Variants in TMEM63C observed in about 807,000 individuals in gnomAD.
The protein encoded by TMEM63C is osmosensitive cation channel TMEM63C.
TMEM63C carries 32 observed loss-of-function variants against 99.2 expected under a neutral mutation model. The ratio of observed to expected loss-of-function variants is 0.32; its 90% confidence interval spans 0.24 to 0.43. TMEM63C has a LOEUF of 0.43. TMEM63C is among the 20% of genes least tolerant of loss of function. The probability of loss-of-function intolerance (pLI) is 1.00; values close to 1 mark genes in which losing one functional copy is unlikely to be tolerated. For missense variants in TMEM63C, 826 were observed against 1,053.0 expected (o/e 0.78, Z 2.98); for synonymous variants, 376 against 397.9 (o/e 0.94, Z 0.66).
intron 12 of TMEM63C, 81 bp downstream of exon 12, chr14:77,239,807 G>A (rs1034236614): frequency 1.3e-6 from 2 of 1,539,498 alleles, no homozygotes; most frequent in Non-Finnish European, 1.8e-6. Context: ...TGCCCGCACT[G>A]TTGGGCCCCA....
chr14:77,219,758 A>G (rs959737463), intron 4 of TMEM63C, among the ~76,000 whole-genome samples, 181 bp downstream of exon 4: 51 of 152,162 alleles, frequency 3.4e-4, no homozygotes, highest in Non-Finnish European at 5.9e-5. Context: ...CCTGGGCACA[A>G]GGCCGTGTTT....
At position 77,236,627 on chromosome 14, in the gene TMEM63C, C is replaced by T; in HGVS notation, c.546C>T (p.Ser182=). The T allele has an allele frequency of 1.2e-6, 2 of 1,611,392 alleles. No individual in the cohort carries two copies. Among genetic ancestry groups the T allele is most frequent in the Non-Finnish European group, 1.7e-6 (2 of 1,178,424 alleles). The change falls in exon 9 of 24, where the codon AGC becomes AGT. Residue 182 remains serine (S), a synonymous_variant. Transcript: ENST00000298351. ...GCTGCTGCCTCCCTCCCTGCAGGAG[C>T]AAGCTCCTGTGGCTGCATAGCCTGC... ...RTTIVNVSTE[S]KLLWLHSLLS...
chr14:77,224,638 C>T (rs1482818426), intron 5 of TMEM63C, among the ~76,000 whole-genome samples: 1 of 152,098 alleles, frequency 6.6e-6, no homozygotes, highest in Admixed American at 6.5e-5. Flanking sequence ...TGGCTAAGGC[C>T]ACCTTTCCCC....
chr14:77,253,177 G>C (rs1013038994), intron 22 of TMEM63C, 128 bp from the exon 23 acceptor site: 13 of 829,044 alleles, frequency 1.6e-5, no homozygotes, highest in Non-Finnish European at 2.4e-5. Flanking sequence ...CTGAAGGTCT[G>C]GAAAGACAGA....
At chr14:77,201,915 G>T (rs557537226) in intron 1 of TMEM63C, among the ~76,000 whole-genome samples, 22 of 152,326 alleles carry the variant, frequency 1.4e-4, no homozygotes, top group Non-Finnish European at 2.6e-4. Context: ...GACAGGGCAG[G>T]TGTGATGGGG....
intron 6 of TMEM63C, among the ~76,000 whole-genome samples, chr14:77,225,784 C>T (rs1473121364): frequency 6.6e-6 from 1 of 152,118 alleles, no homozygotes; most frequent in Non-Finnish European, 1.5e-5. Flanking sequence ...TTCCTTTGTG[C>T]TATCTGCTTG....
chr14:77,220,142 G>GCTGTGCAC, intron 5 of TMEM63C, 55 bp downstream of exon 5: 1 of 1,494,838 alleles, frequency 6.7e-7, no homozygotes, highest in Non-Finnish European at 9.1e-7. Flanking sequence ...GCAGGCAGGC[G>GCTGTGCAC]TGGTGTGCAC....
chr14:77,226,818 T>A (rs571187121), intron 6 of TMEM63C, among the ~76,000 whole-genome samples: 26,368 of 150,260 alleles, frequency 0.18, 2,567 homozygotes, highest in Non-Finnish European at 0.22. Context: ...ACCAGGGTGA[T>A]GTGCAGTGGC....
chr14:77,244,597 C>A, intron 16 of TMEM63C, 142 bp downstream of exon 16: 1 of 676,584 alleles, frequency 1.5e-6, no homozygotes, highest in Non-Finnish European at 2.6e-6. Flanking sequence ...TACCTGAAAC[C>A]ATCCCCAAAG....
At chr14:77,214,665 C>T (rs909379320) in intron 2 of TMEM63C, among the ~76,000 whole-genome samples, 1 of 152,038 alleles carries the variant, frequency 6.6e-6, no homozygotes, top group Non-Finnish European at 1.5e-5. Flanking sequence ...CCCCTTCCCC[C>T]CTCACTGTCT....
At position 77,257,778 on chromosome 14, in the gene TMEM63C, G is replaced by A. The variant is rs724375; in HGVS notation, c.*1052G>A. 6.6e-6 allele frequency: 1 copy of A among 152,428 alleles called. No individual in the cohort carries two copies. Among genetic ancestry groups the A allele is most frequent in the Admixed American group, 6.5e-5 (1 of 15,288 alleles). The allele number at this position is 152,428 out of a possible 1,614,324, so 9.4% of individuals were successfully genotyped here. ...CTGACCATCACCTGCGTCCCAAGTA[G>A]GACCCTTCCTCCCTTCTCGGGGCTG... On this transcript the variant is annotated 3_prime_UTR_variant, in exon 24 of 24. Transcript: ENST00000298351.
At position 77,248,287 on chromosome 14, in the gene TMEM63C, T is replaced by A. The variant is rs1889297833; in HGVS notation, c.1602-60T>A. 2.7e-6 allele frequency: 4 copies of A among 1,491,338 alleles called. No individual in the cohort carries two copies. In the South Asian group the frequency reaches 4.9e-5, roughly 18 times the overall value. 92.4% of individuals were successfully genotyped at this position (1,491,338 alleles called of 1,614,324 possible). ...CTGCTCTCCTCTCTCTCCTCCCTTT[T>A]AACATCTCTCCCTCTCCCTGTGGCT... On this transcript the variant is annotated intron_variant, in intron 18 of 23. Transcript: ENST00000298351.
In TMEM63C at chr14:77,243,129, G is replaced by T. The variant is rs555698216; in HGVS notation, c.1341+73G>T. ...GAATAATTCAGGCGAGGATGGGATG[G>T]GGGGAGCCCCCTGGGAGGGGGCTGT... On this transcript the variant is annotated intron_variant, in intron 15 of 23. Coordinates refer to ENST00000298351, the MANE Select transcript of TMEM63C (RefSeq NM_020431.4). 40 of 1,571,428 alleles carry T rather than the reference G, an allele frequency of 2.5e-5. No individual in the cohort carries two copies. In the East Asian group the frequency reaches 7.1e-4, roughly 28 times the overall value.
At chr14:77,245,313 A>T (rs1057351264) in intron 16 of TMEM63C, among the ~76,000 whole-genome samples, 2 of 152,190 alleles carry the variant, frequency 1.3e-5, no homozygotes, top group Non-Finnish European at 2.9e-5. Context: ...ATGCTCCCAG[A>T]TGCAGCACAG....
intron 5 of TMEM63C, among the ~76,000 whole-genome samples, chr14:77,223,889 G>A (rs561520628): frequency 5.8e-4 from 88 of 152,188 alleles, no homozygotes; most frequent in African/African-American, 1.5e-3. Context: ...CCCTTAGTCA[G>A]TTGCACCCTG....
intron 1 of TMEM63C, among the ~76,000 whole-genome samples, chr14:77,190,331 A>G (rs943164691): frequency 5.9e-5 from 9 of 152,198 alleles, no homozygotes; most frequent in African/African-American, 9.6e-5. Context: ...TCTAGTTTCT[A>G]TCAAACCTCC....
chr14:77,214,178 T>G (rs184877394), intron 2 of TMEM63C, among the ~76,000 whole-genome samples: 1 of 152,210 alleles, frequency 6.6e-6, no homozygotes, highest in Non-Finnish European at 1.5e-5. Context: ...ATGCTCCTTG[T>G]GTTCCAGGCA....
At chr14:77,247,173 AT>A (rs1889281069) in intron 18 of TMEM63C, among the ~76,000 whole-genome samples, 1 of 152,058 alleles carries the variant, frequency 6.6e-6, no homozygotes, top group African/African-American at 2.4e-5. Context: ...TAAAAATCAA[AT>A]TTTTGACATA....
chr14:77,207,028 C>T (rs1566619287), intron 1 of TMEM63C, among the ~76,000 whole-genome samples: 1 of 152,196 alleles, frequency 6.6e-6, no homozygotes, highest in African/African-American at 2.4e-5. Flanking sequence ...GCCCAGCTCC[C>T]AGGGGCCTGG....
Sources: gnomAD v4.1 joint callset for allele counts (sites outside exome capture counted in the v4.1 genomes callset) on GRCh38, gnomAD v4.1.1 for gene constraint, MANE v1.5 for transcripts, NCBI Gene and HGNC (gene_info 2026-07-23, HGNC 2026-07-21) for gene names.